Variants in DSTYK observed in about 807,000 individuals in gnomAD.
The protein encoded by DSTYK is dual serine/threonine and tyrosine protein kinase.
Under a neutral mutation model 98.7 loss-of-function variants are expected in DSTYK, and 34 were observed. The ratio of observed to expected loss-of-function variants is 0.34; its 90% confidence interval spans 0.26 to 0.46. DSTYK has a LOEUF of 0.46. Ranked by LOEUF, DSTYK falls within the 20% of genes least tolerant of loss-of-function variation. The pLI, the probability that DSTYK is intolerant of heterozygous loss-of-function variation, is 1.00. For synonymous variants in DSTYK, 462 were observed against 457.3 expected, an observed-to-expected ratio of 1.01 and a Z score of -0.13; for missense variants, 962 against 1,181.7, an observed-to-expected ratio of 0.81 and a Z score of 2.73.
intron 1 of DSTYK, among the ~76,000 whole-genome samples, chr1:205,199,052 A>G (rs1237995656): frequency 6.6e-6 from 1 of 152,188 alleles, no homozygotes; most frequent in Non-Finnish European, 1.5e-5. Context: ...AAAAAATCAA[A>G]GGCTTTTATA....
intron 7 of DSTYK, 44 bp downstream of exon 7, chr1:205,161,214 T>A: frequency 6.2e-7 from 1 of 1,609,448 alleles, no homozygotes; most frequent in South Asian, 1.1e-5. Flanking sequence ...ATGTCAGGTA[T>A]CCTGAACCAT....
At chr1:205,200,424 T>G (rs7556002) in intron 1 of DSTYK, among the ~76,000 whole-genome samples, 9,483 of 152,206 alleles carry the variant, frequency 0.062, 422 homozygotes, top group South Asian at 0.13. Flanking sequence ...TCTGCCCACT[T>G]CGGCCTCCCA....
intron 11 of DSTYK, among the ~76,000 whole-genome samples, chr1:205,149,689 C>T (rs1657346644): frequency 6.6e-6 from 1 of 152,194 alleles, no homozygotes; most frequent in Non-Finnish European, 1.5e-5. Flanking sequence ...GTTGCTAAAG[C>T]TCATCTTCTA....
At chr1:205,207,385 A>T (rs1659234218) in intron 1 of DSTYK, among the ~76,000 whole-genome samples, 1 of 151,290 alleles carries the variant, frequency 6.6e-6, no homozygotes, top group African/African-American at 2.4e-5. Flanking sequence ...GGCCCACTCC[A>T]ATTTCTTAAA....
intron 10 of DSTYK, among the ~76,000 whole-genome samples, chr1:205,156,731 G>A (rs12410409): frequency 0.19 from 28,656 of 152,106 alleles, 3,512 homozygotes; most frequent in East Asian, 0.52. Context: ...GGGAACTGTT[G>A]GGAAGGCATG....
chr1:205,192,954 G>A (rs993968225), intron 1 of DSTYK, among the ~76,000 whole-genome samples: 1 of 152,104 alleles, frequency 6.6e-6, no homozygotes, highest in Non-Finnish European at 1.5e-5. Flanking sequence ...TGACCCCTAC[G>A]CCACATTGTT....
chr1:205,179,403 G>C (rs1464761763), intron 2 of DSTYK, among the ~76,000 whole-genome samples: 1 of 152,048 alleles, frequency 6.6e-6, no homozygotes, highest in Non-Finnish European at 1.5e-5. Flanking sequence ...GGTGGATCTT[G>C]AGGTCAGGAG....
chr1:205,153,346 C>G (rs1657456928), intron 10 of DSTYK, among the ~76,000 whole-genome samples: 1 of 152,146 alleles, frequency 6.6e-6, no homozygotes, highest in Non-Finnish European at 1.5e-5. Flanking sequence ...TTAAGGTACA[C>G]TTACCCATCT....
intron 1 of DSTYK, among the ~76,000 whole-genome samples, chr1:205,190,007 G>T (rs1253966388): frequency 2.6e-5 from 4 of 152,184 alleles, no homozygotes; most frequent in Admixed American, 2.6e-4. Flanking sequence ...TTAACAAGTA[G>T]CAACAGGCCA....
At chr1:205,182,117 G>A (rs1658424363) in intron 2 of DSTYK, among the ~76,000 whole-genome samples, 2 of 151,998 alleles carry the variant, frequency 1.3e-5, no homozygotes, top group South Asian at 4.2e-4. Context: ...AAAACAATTA[G>A]TGGCCAGGCG....
At chr1:205,198,149 C>T (rs562140571) in intron 1 of DSTYK, among the ~76,000 whole-genome samples, 4 of 151,962 alleles carry the variant, frequency 2.6e-5, no homozygotes, top group East Asian at 1.9e-4. Flanking sequence ...GCCAAGATCA[C>T]GCCATTGTAC....
chr1:205,175,192 C>T (rs1293463899), intron 2 of DSTYK, among the ~76,000 whole-genome samples: 2 of 151,986 alleles, frequency 1.3e-5, no homozygotes, highest in African/African-American at 4.8e-5. Context: ...GCTCCGCCTC[C>T]CAGGTTCACG....
chr1:205,174,741 T>TTA (rs1553363714), intron 2 of DSTYK, among the ~76,000 whole-genome samples: 4 of 144,696 alleles, frequency 2.8e-5, no homozygotes, highest in African/African-American at 1.1e-4. Context: ...TATTTTTAAT[T>TTA]TTTTTTTTTT....
intron 1 of DSTYK, among the ~76,000 whole-genome samples, chr1:205,201,915 C>T (rs895449621): frequency 6.6e-5 from 10 of 152,042 alleles, no homozygotes; most frequent in Non-Finnish European, 1.5e-4. Context: ...CAAAATTAGC[C>T]GGTCGTGGTG....
chr1:205,148,992 T>C (rs1216071108), intron 11 of DSTYK, among the ~76,000 whole-genome samples: 2 of 151,158 alleles, frequency 1.3e-5, no homozygotes, highest in African/African-American at 2.4e-5. Context: ...AACTTCTGCC[T>C]GCTGGGTTCA....
chr1:205,187,544 C>A lies in DSTYK; in HGVS notation c.528G>T (p.Thr176=). 6.2e-7 allele frequency: 1 copy of A among 1,614,152 alleles called. No individual in the cohort carries two copies. The highest frequency in any genetic ancestry group is 1.1e-5 in the South Asian group (1 of 91,082). ...ALPGQYELVH[T]LVAHQGNWET... is the part of the protein sequence containing the mutation. ...CCCAGTTGCCCTGATGAGCAACCAG[C>A]GTGTGCACTAGTTCATACTGTCCAG... The change falls in exon 2 of 13, where the codon ACG becomes ACT. Residue 176 remains threonine (T), a synonymous_variant. Transcript: ENST00000367162.
intron 2 of DSTYK, among the ~76,000 whole-genome samples, chr1:205,177,822 G>A (rs544727403): frequency 5.9e-4 from 89 of 151,700 alleles, no homozygotes; most frequent in African/African-American, 2.1e-3. Context: ...AGCCAAGATC[G>A]TGCCACTGCG....
chr1:205,143,955 G>C lies in DSTYK; in HGVS notation c.*3603C>G, dbSNP rs1657145541. On this transcript the variant is annotated 3_prime_UTR_variant, in exon 13 of 13. Coordinates refer to ENST00000367162, the MANE Select transcript of DSTYK (RefSeq NM_015375.3). The stretch of plus-strand genomic sequence containing the variant: ...GATGGAGTCAAAAGTGACTCTCTTT[G>C]GTCTGGGAACAACCAGCACAGTCCT... 6.6e-6 allele frequency: 1 copy of C among 152,636 alleles called. No individual in the cohort carries two copies. Among genetic ancestry groups the C allele is most frequent in the East Asian group, 1.9e-4 (1 of 5,198 alleles). 9.5% of individuals were successfully genotyped at this position (152,636 alleles called of 1,614,324 possible). A position where few individuals can be genotyped will look rare whatever the true frequency, so the allele number is the denominator to read the frequency against.
At chr1:205,185,597 C>T (rs78494132) in intron 2 of DSTYK, among the ~76,000 whole-genome samples, 3,605 of 151,628 alleles carry the variant, frequency 0.024, 59 homozygotes, top group East Asian at 0.068. Flanking sequence ...AAAATGAAGT[C>T]GAAGAGAGAA....
Sources: allele counts gnomAD v4.1 joint callset (sites outside exome capture counted in the v4.1 genomes callset), GRCh38; gene constraint gnomAD v4.1.1; transcripts MANE v1.5; gene names NCBI Gene and HGNC (gene_info 2026-07-23, HGNC 2026-07-21).